The following TMEM163 variants were observed in gnomAD, a reference collection of about 807,000 sequenced individuals.
TMEM163 encodes transmembrane protein 163.
Under a neutral mutation model 29.3 loss-of-function variants are expected in TMEM163, and 17 were observed. That is an observed-to-expected ratio of 0.58 (90% confidence interval 0.40 to 0.87). The LOEUF (loss-of-function observed/expected upper bound fraction) is 0.87, where lower values mean the gene tolerates loss of function less well. TMEM163 is among the 40% of genes least tolerant of loss of function. The pLI is 0.00. For synonymous variants in TMEM163, 157 were observed against 160.6 expected, an observed-to-expected ratio of 0.98 and a Z score of 0.17; for missense variants, 303 against 381.5, an observed-to-expected ratio of 0.79 and a Z score of 1.71.
chr2:134,703,715 T>A (rs1558997968), intron 2 of TMEM163, among the ~76,000 whole-genome samples: 1 of 151,688 alleles, frequency 6.6e-6, no homozygotes, highest in Non-Finnish European at 1.5e-5. Context: ...TTTACACAAG[T>A]AAATACAGGA....
At chr2:134,551,941 C>T in intron 3 of TMEM163, 107 bp downstream of exon 3, 1 of 832,174 alleles carries the variant, frequency 1.2e-6, no homozygotes. Flanking sequence ...GTTTCTCATG[C>T]TAAGCTCTCA....
intron 2 of TMEM163, among the ~76,000 whole-genome samples, chr2:134,691,924 A>G (rs1256844233): frequency 1.3e-5 from 2 of 152,202 alleles, no homozygotes; most frequent in Non-Finnish European, 2.9e-5. Context: ...AGCAACAAAT[A>G]GGATTGAGGC....
rs116936643 is a variant in TMEM163, at chr2:134,543,409, C to T, written c.458+7161G>A. Among the ~76,000 whole-genome samples, 36 of 152,340 alleles carry T rather than the reference C, an allele frequency of 2.4e-4. No homozygotes were observed. The East Asian group carries it at 6.4e-3, about 27-fold the overall frequency. On this transcript the variant is annotated intron_variant, in intron 4 of 7. Coordinates refer to ENST00000281924, the MANE Select transcript of TMEM163 (RefSeq NM_030923.5). ...CAGGTTCTGCTCTTGAGTTAAAACACATTCAAGAGCTTTGTCAAGTTAAGA... is the reference window on the plus strand; with the variant it reads ...CAGGTTCTGCTCTTGAGTTAAAACATATTCAAGAGCTTTGTCAAGTTAAGA...
chr2:134,620,936 C>T (rs193087777), intron 2 of TMEM163, among the ~76,000 whole-genome samples: 21 of 152,162 alleles, frequency 1.4e-4, no homozygotes, highest in African/African-American at 4.3e-4. Context: ...ATTTCCTAGA[C>T]GCAACACCAA....
intron 2 of TMEM163, 93 bp downstream of exon 2, chr2:134,713,107 A>G (rs1020038166): frequency 1.3e-6 from 2 of 1,535,936 alleles, no homozygotes; most frequent in African/African-American, 2.8e-5. Flanking sequence ...CATCAATAAT[A>G]GTCAACTAAA....
chr2:134,642,393 G>T (rs1004733528), intron 2 of TMEM163, among the ~76,000 whole-genome samples: 2 of 152,048 alleles, frequency 1.3e-5, no homozygotes, highest in African/African-American at 4.8e-5. Context: ...ACCTCCCACA[G>T]TCCTGGCATT....
At position 134,588,845 on chromosome 2, in the gene TMEM163, T is replaced by TG. The variant is rs368634602; in HGVS notation, c.323-36755dup. Among the ~76,000 whole-genome samples, 985 of 151,044 alleles carry TG rather than the reference T, an allele frequency of 6.5e-3. 10 individuals carry two copies. Among genetic ancestry groups the TG allele is most frequent in the African/African-American group, 0.018 (726 of 41,080 alleles). ...GATGGCAAGTAAACAGGCAAAACGT[T>TG]GGGGGGGGAAGAGGCCATTCGGTGG... On this transcript the variant is annotated intron_variant, in intron 2 of 7. Transcript: ENST00000281924.
At chr2:134,642,574 C>A (rs550861677) in intron 2 of TMEM163, among the ~76,000 whole-genome samples, 2 of 152,142 alleles carry the variant, frequency 1.3e-5, no homozygotes, top group Non-Finnish European at 1.5e-5. Context: ...ATACCATACA[C>A]CATAACAGTA....
intron 2 of TMEM163, among the ~76,000 whole-genome samples, chr2:134,581,664 G>A (rs568960130): frequency 1.3e-5 from 2 of 152,118 alleles, no homozygotes. Context: ...TGAGGTTGAT[G>A]AGAAAACAAG....
intron 2 of TMEM163, among the ~76,000 whole-genome samples, chr2:134,674,216 C>G (rs1478373989): frequency 6.6e-6 from 1 of 152,144 alleles, no homozygotes; most frequent in Non-Finnish European, 1.5e-5. Flanking sequence ...ACACTGCTCT[C>G]TAACCTGCCT....
At chr2:134,535,374 G>C (rs377503161) in intron 4 of TMEM163, among the ~76,000 whole-genome samples, 41 of 152,288 alleles carry the variant, frequency 2.7e-4, no homozygotes, top group African/African-American at 8.9e-4. Context: ...AGCAAATAGA[G>C]ACACAGCAAT....
chr2:134,715,438 C>A (rs1685017605), intron 1 of TMEM163, among the ~76,000 whole-genome samples: 1 of 152,064 alleles, frequency 6.6e-6, no homozygotes, highest in African/African-American at 2.4e-5. Flanking sequence ...GTGTGTGCCT[C>A]CTCCGTGATA....
At chr2:134,556,664 T>A (rs1334162568) in intron 2 of TMEM163, among the ~76,000 whole-genome samples, 1 of 151,814 alleles carries the variant, frequency 6.6e-6, no homozygotes, top group Non-Finnish European at 1.5e-5. Context: ...TACAAAAAAA[T>A]TTTAAAATTA....
At chr2:134,621,416 A>G (rs1200183498) in intron 2 of TMEM163, among the ~76,000 whole-genome samples, 2 of 152,246 alleles carry the variant, frequency 1.3e-5, no homozygotes. Context: ...CCAGTTTGAC[A>G]GTTTCTAAAA....
chr2:134,659,963 A>G (rs1367931734), intron 2 of TMEM163, among the ~76,000 whole-genome samples: 2 of 152,148 alleles, frequency 1.3e-5, no homozygotes, highest in Admixed American at 1.3e-4. Flanking sequence ...GTCAACAAAG[A>G]CAAGAAAATT....
intron 2 of TMEM163, among the ~76,000 whole-genome samples, chr2:134,666,888 T>A (rs1683883875): frequency 6.6e-6 from 1 of 152,208 alleles, no homozygotes; most frequent in African/African-American, 2.4e-5. Context: ...AGTTGCATAA[T>A]CTGAGTGCTC....
At chr2:134,564,851 G>A (rs755454608) in intron 2 of TMEM163, among the ~76,000 whole-genome samples, 10 of 152,330 alleles carry the variant, frequency 6.6e-5, no homozygotes, top group East Asian at 1.9e-4. Context: ...AGTTTCAAAC[G>A]TTAGTAAGGA....
intron 2 of TMEM163, among the ~76,000 whole-genome samples, chr2:134,682,001 C>T (rs1684258648): frequency 6.6e-6 from 1 of 152,106 alleles, no homozygotes; most frequent in Admixed American, 6.6e-5. Flanking sequence ...TAAGAGATGC[C>T]TAAGAAAACA....
At chr2:134,627,482 G>T (rs2104829537) in intron 2 of TMEM163, among the ~76,000 whole-genome samples, 2 of 152,192 alleles carry the variant, frequency 1.3e-5, no homozygotes, top group East Asian at 1.9e-4. Context: ...AATAATAATA[G>T]AAAACTTTTA....
Sources: gnomAD v4.1 joint callset for allele counts (sites outside exome capture counted in the v4.1 genomes callset) on GRCh38, gnomAD v4.1.1 for gene constraint, MANE v1.5 for transcripts, NCBI Gene and HGNC (gene_info 2026-07-23, HGNC 2026-07-21) for gene names.